The following CTNNA3 variants were observed in gnomAD, a reference collection of about 807,000 sequenced individuals.
CTNNA3 encodes catenin alpha-3.
Under a neutral mutation model 95.7 loss-of-function variants are expected in CTNNA3, and 76 were observed. The observed-to-expected ratio is 0.79, with a 90% CI of 0.66 to 0.96. The LOEUF (loss-of-function observed/expected upper bound fraction) is 0.96. Among genes scored for constraint, CTNNA3 ranks in the 40% least tolerant of loss-of-function variants. The pLI is 0.00. For missense variants in CTNNA3, 1,191 were observed against 1,089.8 expected, an observed-to-expected ratio of 1.09 and a Z score of -1.31; for synonymous variants, 431 against 374.4, an observed-to-expected ratio of 1.15 and a Z score of -1.74.
chr10:67,408,882 C>CAAAAAAAAAAAAAAAAAAAAAAAAA (rs766212790), intron 5 of CTNNA3, among the ~76,000 whole-genome samples: 1 of 97,198 alleles, frequency 1.0e-5, no homozygotes, highest in Non-Finnish European at 1.9e-5. Context: ...CTTAAATTTA[C>CAAAAAAAAAAAAAAAAAAAAAAAAA]AAAAAAAAAA....
chr10:66,362,623 GA>G lies in CTNNA3; in HGVS notation c.1732+16528del, dbSNP rs1186696995. Among the ~76,000 whole-genome samples, 6 of 151,840 alleles carry G rather than the reference GA, an allele frequency of 4.0e-5. No homozygotes were observed. The East Asian group carries it at 1.2e-3, about 30-fold the overall frequency. Reference sequence around the variant, plus strand: ...AGATACTCGGGAGGTTGAAGTGGGAGAATCACTTGAACCTGGGAGACAAAGG... The same window carrying G: ...AGATACTCGGGAGGTTGAAGTGGGAGATCACTTGAACCTGGGAGACAAAGG... On this transcript the variant is annotated intron_variant, in intron 12 of 17. Coordinates refer to ENST00000433211, the MANE Select transcript of CTNNA3 (RefSeq NM_013266.4).
At chr10:66,227,780 T>C (rs903480065) in intron 13 of CTNNA3, among the ~76,000 whole-genome samples, 12 of 152,172 alleles carry the variant, frequency 7.9e-5, no homozygotes, top group Admixed American at 7.2e-4. Context: ...AATTTAGCAG[T>C]GAAGTCATCT....
chr10:66,905,875 T>G (rs1343036222), intron 7 of CTNNA3, among the ~76,000 whole-genome samples: 1 of 152,290 alleles, frequency 6.6e-6, no homozygotes, highest in Non-Finnish European at 1.5e-5. Context: ...TAAAGATTCA[T>G]TTATAAAAGA....
intron 5 of CTNNA3, among the ~76,000 whole-genome samples, chr10:67,311,604 G>T (rs916857056): frequency 6.6e-6 from 1 of 152,008 alleles, no homozygotes; most frequent in Admixed American, 6.5e-5. Flanking sequence ...TAAAATGGGT[G>T]CATTTTATTG....
intron 13 of CTNNA3, among the ~76,000 whole-genome samples, chr10:66,235,899 C>G (rs1459414932): frequency 1.3e-5 from 2 of 152,120 alleles, no homozygotes; most frequent in Non-Finnish European, 2.9e-5. Flanking sequence ...TCCATCTGTC[C>G]TATTTTTTAA....
At chr10:67,222,539 A>G (rs972844144) in intron 5 of CTNNA3, among the ~76,000 whole-genome samples, 1 of 152,218 alleles carries the variant, frequency 6.6e-6, no homozygotes, top group Non-Finnish European at 1.5e-5. Context: ...TATTCCTTAC[A>G]TCTGTCAAAC....
Position 66,903,882 on chromosome 10 carries a change from C to T in CTNNA3, c.1048-128358G>A, listed in dbSNP as rs570637367. ...CACTGCTCAATTAAATAAAACAGGA[C>T]ACAAACAAATGGAAGAACATTCCAT... is the stretch of plus-strand genomic sequence containing the variant. On this transcript the variant is annotated intron_variant, in intron 7 of 17. Transcript: ENST00000433211. Among the ~76,000 whole-genome samples the T allele has an allele frequency of 4.0e-4, 61 of 152,136 alleles. No homozygotes were observed. In the South Asian group the frequency reaches 7.1e-3, roughly 18 times the overall value.
chr10:67,750,435 A>G, intron 1 of CTNNA3: 13 of 1,489,776 alleles, frequency 8.7e-6, no homozygotes, highest in Non-Finnish European at 1.2e-5. Context: ...GTCTATCAGA[A>G]TGAACATGAG....
chr10:66,307,511 T>C (rs537504612), intron 12 of CTNNA3, among the ~76,000 whole-genome samples: 1 of 152,314 alleles, frequency 6.6e-6, no homozygotes, highest in African/African-American at 2.4e-5. Flanking sequence ...GCTCCAGTCA[T>C]CTTTAACACT....
At chr10:67,064,576 C>T (rs569831375) in intron 7 of CTNNA3, among the ~76,000 whole-genome samples, 5 of 152,240 alleles carry the variant, frequency 3.3e-5, no homozygotes, top group African/African-American at 7.2e-5. Flanking sequence ...TTTGACTCTT[C>T]CCCTTAGTCA....
chr10:67,397,126 G>A (rs181888274), intron 5 of CTNNA3, among the ~76,000 whole-genome samples: 86 of 152,228 alleles, frequency 5.6e-4, no homozygotes, highest in Admixed American at 2.9e-3. Flanking sequence ...CTTTGGAACT[G>A]GGTCACAAGC....
intron 7 of CTNNA3, among the ~76,000 whole-genome samples, chr10:66,918,858 G>A (rs893485594): frequency 6.6e-6 from 1 of 152,156 alleles, no homozygotes; most frequent in Admixed American, 6.5e-5. Flanking sequence ...TATGTTGGCT[G>A]GGTGCGGTGG....
chr10:66,641,431 C>T (rs1845513441), intron 9 of CTNNA3, among the ~76,000 whole-genome samples: 1 of 152,096 alleles, frequency 6.6e-6, no homozygotes, highest in Admixed American at 6.5e-5. Flanking sequence ...TGGGTAAGGG[C>T]TTGTGACTGC....
intron 9 of CTNNA3, among the ~76,000 whole-genome samples, chr10:66,704,208 A>T (rs1848045765): frequency 6.6e-6 from 1 of 152,282 alleles, no homozygotes; most frequent in South Asian, 2.1e-4. Context: ...TCAACAGTTT[A>T]TCCTTCTGTT....
At chr10:67,631,899 A>T (rs935350446) in intron 2 of CTNNA3, among the ~76,000 whole-genome samples, 3 of 152,196 alleles carry the variant, frequency 2.0e-5, no homozygotes, top group Non-Finnish European at 4.4e-5. Flanking sequence ...GATCTCACTT[A>T]TATGTGAAAT....
At chr10:66,935,659 G>A (rs1250634371) in intron 7 of CTNNA3, among the ~76,000 whole-genome samples, 1 of 151,894 alleles carries the variant, frequency 6.6e-6, no homozygotes, top group African/African-American at 2.4e-5. Flanking sequence ...CCTATTAGGT[G>A]AATATTTTTC....
intron 12 of CTNNA3, among the ~76,000 whole-genome samples, chr10:66,378,236 T>G (rs1015427057): frequency 1.3e-5 from 2 of 152,194 alleles, no homozygotes; most frequent in African/African-American, 4.8e-5. Context: ...TTGTCCCTTC[T>G]ACTCTTTTGG....
chr10:67,266,987 GTTGTTGAAAGCT>G (rs1366594867), intron 5 of CTNNA3, among the ~76,000 whole-genome samples: 3 of 152,012 alleles, frequency 2.0e-5, no homozygotes, highest in Non-Finnish European at 4.4e-5. Context: ...TTAAACTTTT[GTTGTTGAAAGCT>G]TTTGAAATTC....
At chr10:66,583,139 G>A (rs1843247014) in intron 10 of CTNNA3, among the ~76,000 whole-genome samples, 1 of 151,714 alleles carries the variant, frequency 6.6e-6, no homozygotes, top group Non-Finnish European at 1.5e-5. Context: ...GTACCAGGGT[G>A]ATACTGGGCT....
Sources: gnomAD v4.1 joint callset for allele counts (sites outside exome capture counted in the v4.1 genomes callset) on GRCh38, gnomAD v4.1.1 for gene constraint, MANE v1.5 for transcripts, NCBI Gene and HGNC (gene_info 2026-07-23, HGNC 2026-07-21) for gene names.